Variants in PPP1R37 observed in about 807,000 individuals in gnomAD.
PPP1R37 encodes the protein leucine rich repeat containing 68.
In PPP1R37, 21 loss-of-function variants were observed where a neutral mutation model predicts 61.0. The observed-to-expected ratio is 0.34, with a 90% CI of 0.24 to 0.50. PPP1R37 has a LOEUF of 0.50. PPP1R37 is among the 20% of genes least tolerant of loss of function. The pLI is 0.98. For synonymous variants in PPP1R37, 443 were observed against 433.5 expected, an observed-to-expected ratio of 1.02 and a Z score of -0.27; for missense variants, 910 against 952.7, an observed-to-expected ratio of 0.96 and a Z score of 0.59.
chr19:45,128,695 T>C (rs1568446989), intron 1 of PPP1R37: 13 of 1,096,380 alleles, frequency 1.2e-5, no homozygotes, highest in African/African-American at 3.1e-5. Flanking sequence ...GTCTTTGAGA[T>C]GTCTGCTTGG....
chr19:45,114,711 C>T (rs1476698483), intron 1 of PPP1R37, among the ~76,000 whole-genome samples: 1 of 151,960 alleles, frequency 6.6e-6, no homozygotes, highest in Non-Finnish European at 1.5e-5. Context: ...CTTTGGGAGG[C>T]CGAGGCAGGA....
chr19:45,142,096 G>A lies in PPP1R37; in HGVS notation c.603G>A (p.Thr201=), dbSNP rs780944974. 175 of 1,530,466 alleles carry A rather than the reference G, an allele frequency of 1.1e-4. 4 individuals carry two copies. In the South Asian group the frequency reaches 2.0e-3, roughly 17 times the overall value. The allele number at this position is 1,530,466 out of a possible 1,614,324, so 94.8% of individuals were successfully genotyped here. Residue 201 remains threonine (T), a synonymous_variant, in exon 6 of 13, where the codon ACG becomes ACA. Transcript: ENST00000221462. The part of the protein sequence containing the change: ...SCLQYLDARN[T]PLLDHSAPFV... Reference sequence around the variant, plus strand: ...TGCAGTATCTGGACGCCCGCAACACGCCCCTGCTGGACCACTCGGCGCCCT... The same window carrying A: ...TGCAGTATCTGGACGCCCGCAACACACCCCTGCTGGACCACTCGGCGCCCT...
chr19:45,122,548 C>A (rs1313806885), intron 1 of PPP1R37, among the ~76,000 whole-genome samples: 7 of 152,150 alleles, frequency 4.6e-5, no homozygotes, highest in Non-Finnish European at 1.0e-4. Context: ...TGAGAAGTGC[C>A]ACCTAGAGAA....
At chr19:45,125,584 C>T (rs1177189014) in intron 1 of PPP1R37, among the ~76,000 whole-genome samples, 1 of 152,202 alleles carries the variant, frequency 6.6e-6, no homozygotes, top group Non-Finnish European at 1.5e-5. Flanking sequence ...CTTAACCACC[C>T]TAGTGGGAAG....
intron 8 of PPP1R37, chr19:45,144,614 A>G: frequency 1.9e-6 from 1 of 529,514 alleles, no homozygotes. Context: ...GTAGGGACTG[A>G]CTGGGTGCCT....
chr19:45,129,509 G>A (rs1203422801), intron 1 of PPP1R37, among the ~76,000 whole-genome samples: 1 of 152,180 alleles, frequency 6.6e-6, no homozygotes, highest in Non-Finnish European at 1.5e-5. Context: ...ATGTTGGCCA[G>A]GCTGGTCTTG....
intron 1 of PPP1R37, among the ~76,000 whole-genome samples, chr19:45,101,269 C>T (rs564165055): frequency 6.0e-4 from 91 of 152,246 alleles, no homozygotes; most frequent in African/African-American, 1.9e-3. Context: ...GGGTGGAAGG[C>T]AGAGAGAACC....
intron 2 of PPP1R37, among the ~76,000 whole-genome samples, chr19:45,138,916 T>TC (rs1968573132): frequency 7.2e-6 from 1 of 138,494 alleles, no homozygotes; most frequent in East Asian, 2.0e-4. Flanking sequence ...TTTTTTTTTT[T>TC]TTTTTTTTTT....
Position 45,146,791 on chromosome 19 carries a change from C to T in PPP1R37, c.*229C>T, listed in dbSNP as rs1362150909. On this transcript the variant is annotated 3_prime_UTR_variant, in exon 13 of 13. Transcript: ENST00000221462. ...TTTATGAGCCCAGCACTGGAAGACT[C>T]TGGGGGTGAATGGGAGGAGGGGGAG... The T allele has an allele frequency of 3.8e-6, 1 of 261,934 alleles. No individual in the cohort carries two copies. Among genetic ancestry groups the T allele is most frequent in the East Asian group, 1.0e-4 (1 of 9,942 alleles). The allele number at this position is 261,934 out of a possible 1,614,324, so 16.2% of individuals were successfully genotyped here. A position where few individuals can be genotyped will look rare whatever the true frequency, so the allele number is the denominator to read the frequency against.
chr19:45,108,386 T>G lies in PPP1R37; in HGVS notation c.202+14859T>G, dbSNP rs149659970. Among the ~76,000 whole-genome samples the G allele has an allele frequency of 6.3e-3, 950 of 151,238 alleles. 8 individuals are homozygous for G. Among genetic ancestry groups the G allele is most frequent in the African/African-American group, 0.022 (890 of 41,190 alleles). ...CACCACGCCCGGCTAATTTTCGTAT[T>G]TTTAGTAGAGACGGGGTTTCACTGT... On this transcript the variant is annotated intron_variant, in intron 1 of 12. Transcript: ENST00000221462.
chr19:45,105,757 C>T (rs1420797425), intron 1 of PPP1R37, among the ~76,000 whole-genome samples: 1 of 152,230 alleles, frequency 6.6e-6, no homozygotes, highest in Non-Finnish European at 1.5e-5. Flanking sequence ...GGGCTGCCTT[C>T]CTTGCTGTGC....
Position 45,130,008 on chromosome 19 carries a change from G to T in PPP1R37, c.203-8506G>T, listed in dbSNP as rs1968456260. On this transcript the variant is annotated intron_variant, in intron 1 of 12. Coordinates refer to ENST00000221462, the MANE Select transcript of PPP1R37 (RefSeq NM_019121.2). The surrounding 1 kb of genome is among the most constrained non-coding windows in gnomAD (Gnocchi z 4.4). The stretch of plus-strand genomic sequence containing the variant: ...GGGGATAGTAAAAGGATGTCTCTTG[G>T]GGTGGCTGGGGGGCTTCTGTGGGGT... 6.6e-6 allele frequency among the ~76,000 whole-genome samples: 1 copy of T among 152,182 alleles called. No homozygotes were observed. The highest frequency in any genetic ancestry group is 2.1e-4 in the South Asian group (1 of 4,832).
At chr19:45,105,204 C>G (rs1036552309) in intron 1 of PPP1R37, among the ~76,000 whole-genome samples, 3 of 152,176 alleles carry the variant, frequency 2.0e-5, no homozygotes, top group African/African-American at 7.2e-5. Context: ...AGCATAGTCC[C>G]TGGTCCAGAA....
chr19:45,099,327 G>A (rs1968033034), intron 1 of PPP1R37, among the ~76,000 whole-genome samples: 1 of 152,236 alleles, frequency 6.6e-6, no homozygotes, highest in South Asian at 2.1e-4. Context: ...ATCTCTCTGA[G>A]CTAAAACTAA....
intron 1 of PPP1R37, among the ~76,000 whole-genome samples, chr19:45,104,343 CCT>C (rs989521651): frequency 1.2e-4 from 19 of 152,182 alleles, no homozygotes; most frequent in Admixed American, 9.2e-4. Context: ...CCTCCAGGAA[CCT>C]TAAGGACTCC....
intron 1 of PPP1R37, among the ~76,000 whole-genome samples, chr19:45,124,688 T>A (rs1968379617): frequency 6.6e-6 from 1 of 151,948 alleles, no homozygotes; most frequent in Non-Finnish European, 1.5e-5. Context: ...GGACTGGGCT[T>A]GGTGGCTCAC....
At chr19:45,137,233 AGCC>A (rs1341135330) in intron 1 of PPP1R37, among the ~76,000 whole-genome samples, 10 of 152,198 alleles carry the variant, frequency 6.6e-5, no homozygotes, top group Non-Finnish European at 1.5e-4. Flanking sequence ...AAGCTCTAAT[AGCC>A]AAAAACTGGA....
chr19:45,119,289 G>A (rs576348875), intron 1 of PPP1R37, among the ~76,000 whole-genome samples: 2 of 152,256 alleles, frequency 1.3e-5, no homozygotes, highest in Admixed American at 1.3e-4. Flanking sequence ...TGAGTAGCTG[G>A]GATTACAGGC....
intron 1 of PPP1R37, among the ~76,000 whole-genome samples, chr19:45,124,967 CA>C (rs1968385714): frequency 1.3e-5 from 2 of 151,720 alleles, no homozygotes; most frequent in African/African-American, 2.4e-5. Context: ...GGGGACCCCC[CA>C]AAAAATAGGT....
Sources: allele counts gnomAD v4.1 joint callset (sites outside exome capture counted in the v4.1 genomes callset), GRCh38; gene constraint gnomAD v4.1.1; non-coding constraint Gnocchi (gnomAD v3.1); transcripts MANE v1.5; gene names NCBI Gene and HGNC (gene_info 2026-07-23, HGNC 2026-07-21).